CGGBP1: variants seen among roughly 807,000 people sequenced by gnomAD.
The protein encoded by CGGBP1 is CGG triplet repeat binding protein 1, also known as CGG triplet repeat-binding protein 1.
A neutral mutation model predicts 11.4 loss-of-function variants in CGGBP1; 4 were observed. That is an observed-to-expected ratio of 0.35 (90% confidence interval 0.17 to 0.80). The LOEUF is 0.80. CGGBP1 is among the 30% of genes least tolerant of loss of function. CGGBP1 has a pLI of 0.52. For synonymous variants in CGGBP1, 76 were observed against 74.1 expected (o/e 1.03, Z -0.13); for missense variants, 135 against 202.1 (o/e 0.67, Z 2.01).
chr3:88,103,097 G>A (rs1346878299), intron 2 of CGGBP1, among the ~76,000 whole-genome samples: 12 of 152,000 alleles, frequency 7.9e-5, no homozygotes, highest in East Asian at 1.9e-4. Flanking sequence ...CTGTTCATGC[G>A]TTAATTCACT....
intron 2 of CGGBP1, among the ~76,000 whole-genome samples, chr3:88,076,737 C>T (rs144523534): frequency 8.5e-5 from 13 of 152,162 alleles, no homozygotes; most frequent in East Asian, 1.9e-4. Flanking sequence ...ATATTTATGA[C>T]GGAAGCATTT....
chr3:88,109,276 A>G (rs776298408), intron 2 of CGGBP1, among the ~76,000 whole-genome samples: 21 of 152,012 alleles, frequency 1.4e-4, no homozygotes, highest in Admixed American at 3.3e-4. Flanking sequence ...GAGTATGTCA[A>G]CGTTACCCAC....
chr3:88,066,891 T>C (rs1320133320), intron 2 of CGGBP1, among the ~76,000 whole-genome samples: 3 of 152,334 alleles, frequency 2.0e-5, no homozygotes, highest in East Asian at 1.9e-4. Flanking sequence ...ATCTGGCCCA[T>C]TGAATGACAC....
chr3:88,081,615 T>A (rs886985381), intron 2 of CGGBP1, among the ~76,000 whole-genome samples: 3 of 152,240 alleles, frequency 2.0e-5, no homozygotes, highest in African/African-American at 7.2e-5. Flanking sequence ...ATGCTATCAT[T>A]ATTTTGTTGT....
chr3:88,120,097 C>G (rs1351267139), intron 2 of CGGBP1, among the ~76,000 whole-genome samples: 1 of 151,150 alleles, frequency 6.6e-6, no homozygotes, highest in South Asian at 2.1e-4. Flanking sequence ...AATAATGTAA[C>G]TTATAGGCAT....
At chr3:88,110,498 T>TA (rs1026289402) in intron 2 of CGGBP1, among the ~76,000 whole-genome samples, 1 of 152,126 alleles carries the variant, frequency 6.6e-6, no homozygotes, top group African/African-American at 2.4e-5. Context: ...TCTTTTGACT[T>TA]AAAAAAATTT....
intron 1 of CGGBP1, among the ~76,000 whole-genome samples, chr3:88,149,352 C>G (rs188909132): frequency 2.9e-4 from 44 of 152,324 alleles, no homozygotes; most frequent in African/African-American, 1.0e-3. Flanking sequence ...CCAGAACCCC[C>G]AACCTTAAAT....
At chr3:88,149,633 G>A (rs956312784) in intron 1 of CGGBP1, 6 of 155,720 alleles carry the variant, frequency 3.9e-5, no homozygotes, top group African/African-American at 1.2e-4. Flanking sequence ...GGGCGGGGAG[G>A]AGCCGCCTCC....
intron 2 of CGGBP1, among the ~76,000 whole-genome samples, chr3:88,071,155 G>T (rs538065995): frequency 6.6e-6 from 1 of 152,216 alleles, no homozygotes; most frequent in Non-Finnish European, 1.5e-5. Flanking sequence ...ACTATATTAT[G>T]CAGTTCCCCA....
At chr3:88,149,748 G>A (rs939246093) in exon 1 of CGGBP1, 3 of 217,836 alleles carry the variant, frequency 1.4e-5, no homozygotes, top group Non-Finnish European at 2.8e-5. Context: ...TCTTTTGGAG[G>A]AGGGACTTCT....
intron 2 of CGGBP1, among the ~76,000 whole-genome samples, chr3:88,101,291 C>T (rs767639768): frequency 2.6e-5 from 4 of 152,130 alleles, no homozygotes; most frequent in Non-Finnish European, 5.9e-5. Context: ...CCAGTGCCTA[C>T]CCAGCTCAAG....
chr3:88,138,241 C>G (rs1230883371), intron 2 of CGGBP1, among the ~76,000 whole-genome samples: 6 of 152,004 alleles, frequency 3.9e-5, no homozygotes, highest in Admixed American at 2.6e-4. Flanking sequence ...TCATATAGCA[C>G]TATAATAAAA....
chr3:88,071,929 C>T (rs1243125295), intron 2 of CGGBP1, among the ~76,000 whole-genome samples: 1 of 152,212 alleles, frequency 6.6e-6, no homozygotes, highest in Non-Finnish European at 1.5e-5. Context: ...ATTAAATGCT[C>T]ATAACTTGTA....
chr3:88,114,104 T>C (rs1321304320), intron 2 of CGGBP1, among the ~76,000 whole-genome samples: 1 of 152,142 alleles, frequency 6.6e-6, no homozygotes, highest in Non-Finnish European at 1.5e-5. Context: ...AAAACAGTAG[T>C]AAGCAAAACA....
At chr3:88,114,699 T>C (rs1453577659) in intron 2 of CGGBP1, among the ~76,000 whole-genome samples, 1 of 152,194 alleles carries the variant, frequency 6.6e-6, no homozygotes, top group Non-Finnish European at 1.5e-5. Flanking sequence ...CACCTTTTGC[T>C]GTCATGTTAT....
chr3:88,061,815 G>A (rs1354769047), upstream of CGGBP1, among the ~76,000 whole-genome samples: 1 of 152,134 alleles, frequency 6.6e-6, no homozygotes, highest in Admixed American at 6.5e-5. Context: ...TTTTATTAGT[G>A]AATGACTTAA....
chr3:88,130,617 A>ATTT (rs10674029), intron 2 of CGGBP1, among the ~76,000 whole-genome samples: 95,577 of 128,950 alleles, frequency 0.74, 36,915 homozygotes, highest in South Asian at 0.86. Flanking sequence ...TGCCCAGCTA[A>ATTT]TTTTTTTTTT....
chr3:88,119,215 A>G (rs1705605611), intron 2 of CGGBP1, among the ~76,000 whole-genome samples: 2 of 147,754 alleles, frequency 1.4e-5, no homozygotes, highest in African/African-American at 2.5e-5. Flanking sequence ...ATAAAAAATG[A>G]TGAGTTCATG....
intron 2 of CGGBP1, among the ~76,000 whole-genome samples, chr3:88,067,784 G>A (rs1254910324): frequency 3.3e-5 from 5 of 152,162 alleles, no homozygotes; most frequent in South Asian, 4.1e-4. Context: ...AGAGTGGGAG[G>A]TGAAGGAATA....
Sources: allele counts gnomAD v4.1 joint callset (sites outside exome capture counted in the v4.1 genomes callset), GRCh38; gene constraint gnomAD v4.1.1; transcripts MANE v1.5; gene names NCBI Gene and HGNC (gene_info 2026-07-23, HGNC 2026-07-21).